The following CNTNAP2 variants were observed in gnomAD, a reference collection of about 807,000 sequenced individuals.
CNTNAP2 encodes the protein contactin associated protein 2, also known as contactin-associated protein-like 2.
Under a neutral mutation model 155.2 loss-of-function variants are expected in CNTNAP2, and 98 were observed. The ratio of observed to expected loss-of-function variants is 0.63; its 90% CI spans 0.54 to 0.75. The LOEUF is 0.75. Ranked by LOEUF, CNTNAP2 falls within the 30% of genes least tolerant of loss-of-function variation. The pLI, the probability that CNTNAP2 is intolerant of heterozygous loss-of-function variation, is 0.00. For missense variants in CNTNAP2, 1,727 were observed against 1,688.1 expected (o/e 1.02, Z -0.40); for synonymous variants, 651 against 631.2 (o/e 1.03, Z -0.47).
At chr7:147,529,784 G>A (rs941598115) in intron 11 of CNTNAP2, among the ~76,000 whole-genome samples, 6 of 152,112 alleles carry the variant, frequency 3.9e-5, no homozygotes, top group South Asian at 2.1e-4. Context: ...TGCATTTATC[G>A]CTATCAACAG....
At chr7:147,712,452 T>C (rs947999230) in intron 13 of CNTNAP2, among the ~76,000 whole-genome samples, 3 of 152,158 alleles carry the variant, frequency 2.0e-5, no homozygotes, top group African/African-American at 7.2e-5. Flanking sequence ...CACATGTATG[T>C]TTATTGCGGC....
Position 146,116,991 on chromosome 7 carries a change from C to G in CNTNAP2, c.97+18C>G, listed in dbSNP as rs1797493437. ...CACGTCCCGTAAGTAGCCGTCTCCT[C>G]GCTCTGCTCTGGAGCAGTTTCAGTG... On this transcript the variant is annotated intron_variant, in intron 1 of 23. Coordinates refer to ENST00000361727, the MANE Select transcript of CNTNAP2 (RefSeq NM_014141.6). This position sits in a 1 kb window ranked among gnomAD's most constrained non-coding sequence, Gnocchi z 5.5. 1 of 1,545,992 alleles carries G rather than the reference C, an allele frequency of 6.5e-7. No homozygotes were observed. The highest frequency in any genetic ancestry group is 8.8e-7 in the Non-Finnish European group (1 of 1,142,828).
chr7:148,405,284 C>T (rs929052703), intron 22 of CNTNAP2, among the ~76,000 whole-genome samples: 8 of 152,126 alleles, frequency 5.3e-5, no homozygotes, highest in African/African-American at 1.4e-4. Context: ...CCAAAACAAT[C>T]GTGGAATATT....
intron 15 of CNTNAP2, among the ~76,000 whole-genome samples, chr7:148,040,136 A>G (rs758296537): frequency 5.3e-5 from 8 of 152,180 alleles, no homozygotes; most frequent in Non-Finnish European, 7.3e-5. Context: ...TTAAATTCAC[A>G]TCTAGCTTAA....
At chr7:147,546,291 ATCATG>A (rs1799729448) in intron 11 of CNTNAP2, among the ~76,000 whole-genome samples, 1 of 152,196 alleles carries the variant, frequency 6.6e-6, no homozygotes, top group Non-Finnish European at 1.5e-5. Context: ...TGTACACATT[ATCATG>A]TTGGTATGGT....
chr7:147,216,558 T>G (rs1803274539), intron 8 of CNTNAP2, among the ~76,000 whole-genome samples: 1 of 33,408 alleles, frequency 3.0e-5, no homozygotes, highest in Admixed American at 2.4e-4. Context: ...AACACTAAAC[T>G]TATTTACAGT....
intron 1 of CNTNAP2, among the ~76,000 whole-genome samples, chr7:146,682,748 G>T (rs1215453098): frequency 1.3e-5 from 2 of 152,156 alleles, no homozygotes; most frequent in Non-Finnish European, 2.9e-5. Flanking sequence ...TCAGGGCAAA[G>T]ATATTTGCAT....
chr7:146,648,710 T>A (rs1221008175), intron 1 of CNTNAP2, among the ~76,000 whole-genome samples: 2 of 152,078 alleles, frequency 1.3e-5, no homozygotes, highest in Admixed American at 6.6e-5. Flanking sequence ...AAAAACACAA[T>A]CATATTTTGG....
chr7:148,114,709 CT>C (rs1804428461), intron 15 of CNTNAP2, among the ~76,000 whole-genome samples: 1 of 152,238 alleles, frequency 6.6e-6, no homozygotes, highest in African/African-American at 2.4e-5. Flanking sequence ...ACCACACTCA[CT>C]GAAAGCCTGT....
chr7:147,545,518 C>T (rs773497596), intron 11 of CNTNAP2, among the ~76,000 whole-genome samples: 16 of 152,106 alleles, frequency 1.1e-4, no homozygotes, highest in African/African-American at 3.4e-4. Context: ...ACCCATGATT[C>T]GAATAGGTTA....
At chr7:147,672,133 T>G (rs1795797423) in intron 13 of CNTNAP2, 1 of 152,088 alleles carries the variant, frequency 6.6e-6, no homozygotes, top group African/African-American at 2.4e-5. Flanking sequence ...GACAAGATGG[T>G]GTAAGTTGAG....
Position 147,066,508 on chromosome 7 carries a change from A to G in CNTNAP2, c.550+22454A>G, listed in dbSNP as rs539680906. Among the ~76,000 whole-genome samples the G allele has an allele frequency of 7.9e-5, 12 of 152,322 alleles. No individual in the cohort carries two copies. The South Asian group carries it at 2.1e-3, about 26-fold the overall frequency. ...GATATATCTGGTAACAAATTCTGAC[A>G]TATTGGATTTTATAAATTCTATTTA... On this transcript the variant is annotated intron_variant, in intron 4 of 23. Coordinates refer to ENST00000361727, the MANE Select transcript of CNTNAP2 (RefSeq NM_014141.6).
At chr7:146,597,608 A>G (rs964552866) in intron 1 of CNTNAP2, among the ~76,000 whole-genome samples, 1 of 152,046 alleles carries the variant, frequency 6.6e-6, no homozygotes, top group Non-Finnish European at 1.5e-5. Flanking sequence ...CCTTAGTTAT[A>G]TTTAGCAATG....
intron 1 of CNTNAP2, among the ~76,000 whole-genome samples, chr7:146,317,275 T>C (rs1800923385): frequency 6.6e-6 from 1 of 152,232 alleles, no homozygotes; most frequent in Non-Finnish European, 1.5e-5. Flanking sequence ...TAATCATCTA[T>C]ACTAAGCTCT....
chr7:146,995,087 C>T (rs1490351172), intron 3 of CNTNAP2, among the ~76,000 whole-genome samples: 1 of 152,048 alleles, frequency 6.6e-6, no homozygotes, highest in African/African-American at 2.4e-5. Flanking sequence ...GATCATGTGA[C>T]ATTTTTCTTT....
chr7:147,395,803 C>T (rs1796803308), intron 10 of CNTNAP2, 23 bp downstream of exon 10: 2 of 1,610,366 alleles, frequency 1.2e-6, no homozygotes, highest in African/African-American at 1.3e-5. Flanking sequence ...TTCATCCTAC[C>T]TCACGTTGTC....
intron 1 of CNTNAP2, among the ~76,000 whole-genome samples, chr7:146,233,550 A>G (rs975403467): frequency 4.6e-5 from 7 of 151,796 alleles, no homozygotes; most frequent in African/African-American, 1.5e-4. Context: ...GTGCCATGCT[A>G]GTGTGCTGCA....
At chr7:147,279,869 G>A (rs1309228268) in intron 8 of CNTNAP2, among the ~76,000 whole-genome samples, 1 of 151,882 alleles carries the variant, frequency 6.6e-6, no homozygotes, top group Non-Finnish European at 1.5e-5. Flanking sequence ...AAGATGCTAA[G>A]TAGGGATTTA....
intron 15 of CNTNAP2, among the ~76,000 whole-genome samples, chr7:148,051,691 A>G (rs2116495338): frequency 6.6e-6 from 1 of 152,344 alleles, no homozygotes; most frequent in South Asian, 2.1e-4. Flanking sequence ...TTTGCTAAGA[A>G]AATTATGTGA....
Sources: allele counts gnomAD v4.1 joint callset (sites outside exome capture counted in the v4.1 genomes callset), GRCh38; gene constraint gnomAD v4.1.1; non-coding constraint Gnocchi (gnomAD v3.1); transcripts MANE v1.5; gene names NCBI Gene and HGNC (gene_info 2026-07-23, HGNC 2026-07-21).